Variants in TRAPPC8 observed in about 807,000 individuals in gnomAD.
The protein encoded by TRAPPC8 is trafficking protein particle complex subunit 8.
Under a neutral mutation model 174.3 loss-of-function variants are expected in TRAPPC8, and 54 were observed. The ratio of observed to expected loss-of-function variants is 0.31; its 90% CI spans 0.25 to 0.39. TRAPPC8 has a LOEUF of 0.39. Among genes scored for constraint, TRAPPC8 ranks in the 10% least tolerant of loss-of-function variants. The probability of loss-of-function intolerance (pLI) is 1.00; values close to 1 mark genes in which losing one functional copy is unlikely to be tolerated. For missense variants in TRAPPC8, 1,531 were observed against 1,699.1 expected (o/e 0.90, Z 1.74); for synonymous variants, 630 against 579.9 (o/e 1.09, Z -1.24).
At position 31,890,813 on chromosome 18, in the gene TRAPPC8, T is replaced by A. The variant is rs112375825; in HGVS notation, c.1650A>T (p.Ile550=). Residue 550 remains isoleucine, a synonymous_variant, in exon 12 of 29, where the codon ATA becomes ATT. Coordinates refer to ENST00000283351, the MANE Select transcript of TRAPPC8 (RefSeq NM_014939.5). ...TTCTAACCATGGGACTTTTCATGTT[T>A]ATAAAGCAATGTGCTGCCTGTTCCA... The part of the protein sequence containing the change: ...LLLEQAAHCF[I]NMKSPMVRKY... 8.4e-5 allele frequency: 136 copies of A among 1,612,886 alleles called. No homozygotes were observed. The African/African-American group carries it at 1.6e-3, about 19-fold the overall frequency.
intron 14 of TRAPPC8, among the ~76,000 whole-genome samples, chr18:31,871,949 C>T (rs1327625312): frequency 4.0e-5 from 6 of 151,618 alleles, no homozygotes; most frequent in African/African-American, 1.5e-4. Flanking sequence ...TAACAGCCAT[C>T]GAGAGCTTTA....
intron 22 of TRAPPC8, chr18:31,852,899 A>G (rs1367191551): frequency 2.3e-6 from 1 of 435,088 alleles, no homozygotes; most frequent in East Asian, 4.3e-5. Context: ...ATGTATTCAT[A>G]TATGCGACAT....
chr18:31,890,928 A>C, intron 11 of TRAPPC8, 62 bp from the exon 12 acceptor site: 1 of 1,488,888 alleles, frequency 6.7e-7, no homozygotes, highest in Non-Finnish European at 9.0e-7. Context: ...ATAGATAACT[A>C]GTGAAAAAAA....
chr18:31,888,727 T>C (rs2035829659), intron 12 of TRAPPC8, among the ~76,000 whole-genome samples: 1 of 152,096 alleles, frequency 6.6e-6, no homozygotes, highest in Non-Finnish European at 1.5e-5. Flanking sequence ...TGAGAACACA[T>C]GGACACAGTC....
At chr18:31,837,967 TAAAAAAAA>T (rs35815014) in intron 27 of TRAPPC8, among the ~76,000 whole-genome samples, 4 of 129,044 alleles carry the variant, frequency 3.1e-5, no homozygotes, top group Non-Finnish European at 6.6e-5. Context: ...AAAAATCACT[TAAAAAAAA>T]AAAAAAAAAA....
Position 31,902,847 on chromosome 18 carries a change from A to C in TRAPPC8, c.1390-1822T>G, listed in dbSNP as rs187380675. Among the ~76,000 whole-genome samples, 561 of 152,142 alleles carry C rather than the reference A, an allele frequency of 3.7e-3. 2 individuals carry two copies. Among genetic ancestry groups the C allele is most frequent in the African/African-American group, 0.011 (445 of 41,506 alleles). ...GGCGGATCACGATGTCAGGATATCG[A>C]GACCATCCTGGCTAACACAGTGAAA... On this transcript the variant is annotated intron_variant, in intron 9 of 28. Coordinates refer to ENST00000283351, the MANE Select transcript of TRAPPC8 (RefSeq NM_014939.5).
chr18:31,863,079 C>T (rs556247218), intron 19 of TRAPPC8, among the ~76,000 whole-genome samples: 12 of 146,768 alleles, frequency 8.2e-5, no homozygotes, highest in African/African-American at 2.7e-4. Context: ...AGAGTATAAG[C>T]AGGCAATCAT....
At chr18:31,909,813 T>C in intron 5 of TRAPPC8, 53 bp from the exon 6 acceptor site, 3 of 1,223,396 alleles carry the variant, frequency 2.5e-6, no homozygotes, top group Non-Finnish European at 3.4e-6. Context: ...TCATACTTAA[T>C]ATACTATCAA....
At chr18:31,933,904 C>T (rs917507761) in intron 1 of TRAPPC8, among the ~76,000 whole-genome samples, 3 of 151,932 alleles carry the variant, frequency 2.0e-5, no homozygotes, top group Non-Finnish European at 4.4e-5. Context: ...AGTATACATG[C>T]AGCCGGGCAT....
intron 5 of TRAPPC8, among the ~76,000 whole-genome samples, chr18:31,912,165 T>C (rs987424739): frequency 5.3e-5 from 8 of 152,042 alleles, no homozygotes; most frequent in African/African-American, 1.9e-4. Flanking sequence ...AAAGTATGAG[T>C]TCCTGAAGGT....
At chr18:31,863,141 C>T (rs958348185) in intron 19 of TRAPPC8, among the ~76,000 whole-genome samples, 5 of 151,338 alleles carry the variant, frequency 3.3e-5, no homozygotes, top group Admixed American at 1.3e-4. Context: ...ACTGATCAAC[C>T]CTATCAGTTA....
At chr18:31,898,034 T>C in intron 10 of TRAPPC8, 143 bp from the exon 11 acceptor site, 1 of 589,914 alleles carries the variant, frequency 1.7e-6, no homozygotes, top group Non-Finnish European at 2.7e-6. Flanking sequence ...GATACTAAAA[T>C]CCAAGGTTTG....
At chr18:31,899,309 T>C (rs2036310311) in intron 10 of TRAPPC8, among the ~76,000 whole-genome samples, 3 of 152,236 alleles carry the variant, frequency 2.0e-5, no homozygotes, top group South Asian at 4.1e-4. Flanking sequence ...AACAATAGCA[T>C]TCACGATTTC....
At chr18:31,940,044 T>C (rs181152835) in intron 1 of TRAPPC8, among the ~76,000 whole-genome samples, 2 of 152,250 alleles carry the variant, frequency 1.3e-5, no homozygotes, top group Admixed American at 1.3e-4. Context: ...AATTGAGATG[T>C]TAAGTATAAA....
chr18:31,860,988 T>C (rs2034292995), intron 19 of TRAPPC8, among the ~76,000 whole-genome samples: 1 of 152,208 alleles, frequency 6.6e-6, no homozygotes, highest in Non-Finnish European at 1.5e-5. Context: ...ACAAACTGTC[T>C]AGATTCTCAC....
intron 12 of TRAPPC8, among the ~76,000 whole-genome samples, chr18:31,884,007 G>A (rs2035584314): frequency 6.6e-6 from 1 of 152,120 alleles, no homozygotes; most frequent in African/African-American, 2.4e-5. Context: ...TGTCCAACAT[G>A]GTGAAACCCC....
chr18:31,857,219 T>C (rs2034068451), intron 20 of TRAPPC8, among the ~76,000 whole-genome samples: 1 of 152,244 alleles, frequency 6.6e-6, no homozygotes, highest in Admixed American at 6.5e-5. Context: ...CATACATAAA[T>C]GACGCCCTAT....
At chr18:31,876,162 T>C (rs995439334) in intron 12 of TRAPPC8, among the ~76,000 whole-genome samples, 1 of 152,132 alleles carries the variant, frequency 6.6e-6, no homozygotes, top group Non-Finnish European at 1.5e-5. Flanking sequence ...ATGTTTATTA[T>C]GTATCAATTT....
intron 2 of TRAPPC8, among the ~76,000 whole-genome samples, chr18:31,928,033 G>C (rs1174246817): frequency 6.6e-6 from 1 of 151,734 alleles, no homozygotes; most frequent in Admixed American, 6.6e-5. Context: ...GTGCACACCT[G>C]TAGTCCCAGA....
Sources: allele counts gnomAD v4.1 joint callset (sites outside exome capture counted in the v4.1 genomes callset), GRCh38; gene constraint gnomAD v4.1.1; transcripts MANE v1.5; gene names NCBI Gene and HGNC (gene_info 2026-07-23, HGNC 2026-07-21).